The following COPS9 variants were observed in gnomAD, a reference collection of about 807,000 sequenced individuals.
The protein encoded by COPS9 is COP9 signalosome subunit 9.
A neutral mutation model predicts 7.2 loss-of-function variants in COPS9; 8 were observed. The ratio of observed to expected loss-of-function variants is 1.11; its 90% CI spans 0.65 to 2.00. COPS9 has a LOEUF of 2.00. Among genes scored for constraint, COPS9 ranks in the 30% most tolerant of loss-of-function variants. The pLI is 0.00. For synonymous variants in COPS9, 39 were observed against 28.7 expected (o/e 1.36, Z -1.14); for missense variants, 74 against 77.7 (o/e 0.95, Z 0.18).
downstream of COPS9, chr2:240,127,011 A>T: frequency 6.4e-7 from 1 of 1,553,036 alleles, no homozygotes. Context: ...ATTCCGAGTG[A>T]CCTGGGACAA....
At position 240,133,980 on chromosome 2, in the gene COPS9, A is replaced by G; in HGVS notation, c.89T>C (p.Met30Thr). 1.2e-6 allele frequency: 2 copies of G among 1,614,208 alleles called. No homozygotes were observed. Among genetic ancestry groups the G allele is most frequent in the Non-Finnish European group, 8.5e-7 (1 of 1,180,036 alleles). ...GGCCTTTTCATTGGCTGCCAAGTCC[A>G]TCAAGAGCCCGGTGCTGCCTCCCGC... ...DEAGGSTGLL[M>T]DLAANEKAVH... The change falls in exon 2 of 3, where the codon ATG becomes ACG. Residue 30 changes from methionine (M) to threonine (T), a missense_variant. Transcript: ENST00000607357.
At chr2:240,131,276 G>A (rs76109721) in intron 2 of COPS9, among the ~76,000 whole-genome samples, 188 bp from the exon 3 acceptor site, 2,054 of 152,336 alleles carry the variant, frequency 0.013, 41 homozygotes, top group East Asian at 0.089. Context: ...AGTCCAAGGG[G>A]AGAGTGTTGG....
Position 240,130,899 on chromosome 2 carries a change from G to A in COPS9, c.*152C>T, listed in dbSNP as rs1057429407. On this transcript the variant is annotated 3_prime_UTR_variant, in exon 3 of 3. Coordinates refer to ENST00000607357, the MANE Select transcript of COPS9 (RefSeq NM_001163424.2). ...TTCAGAGATGAACAGAATCATCTAG[G>A]TCGTTAAGAACAGTCTTATCTTTCT... 2.8e-6 allele frequency: 4 copies of A among 1,449,400 alleles called. No homozygotes were observed. The highest frequency in any genetic ancestry group is 1.5e-5 in the South Asian group (1 of 66,612). The allele number at this position is 1,449,400 out of a possible 1,614,324, so 89.8% of individuals were successfully genotyped here.
At chr2:240,134,982 CGCCTAGGACTGTGAA>C (rs1473480557) in intron 1 of COPS9, among the ~76,000 whole-genome samples, 1 of 81,834 alleles carries the variant, frequency 1.2e-5, no homozygotes. Context: ...GGCTCCACAT[CGCCTAGGACTGTGAA>C]GCCTAGGACT....
chr2:240,129,976 G>A (rs983720340), downstream of COPS9: 3 of 1,613,984 alleles, frequency 1.9e-6, no homozygotes, highest in South Asian at 1.1e-5. Context: ...TGCCCTCGCT[G>A]CAGTGCGGGA....
Position 240,130,838 on chromosome 2 carries a change from T to C in COPS9, c.*213A>G. 2 of 1,403,300 alleles carry C rather than the reference T, an allele frequency of 1.4e-6. No homozygotes were observed. Among genetic ancestry groups the C allele is most frequent in the Admixed American group, 3.2e-5 (1 of 31,670 alleles). 86.9% of individuals were successfully genotyped at this position (1,403,300 alleles called of 1,614,324 possible). On this transcript the variant is annotated 3_prime_UTR_variant, in exon 3 of 3. Coordinates refer to ENST00000607357, the MANE Select transcript of COPS9 (RefSeq NM_001163424.2). The stretch of plus-strand genomic sequence containing the variant: ...AGATCACTCCACATGTGACATTGCT[T>C]TCTTTTAATTGGAGTGAGGACAAAA...
intron 1 of COPS9, 97 bp downstream of exon 1, chr2:240,136,125 G>T: frequency 1.5e-6 from 1 of 661,642 alleles, no homozygotes; most frequent in Non-Finnish European, 2.1e-6. Context: ...CCACCCGCCC[G>T]GCCTCCCCTC....
chr2:240,127,939 A>AC (rs2071883439), downstream of COPS9, among the ~76,000 whole-genome samples: 1 of 151,680 alleles, frequency 6.6e-6, no homozygotes, highest in South Asian at 2.1e-4. Context: ...GGCCACTCAC[A>AC]CCCCCTCAAA....
chr2:240,135,565 A>T (rs761055445), intron 1 of COPS9, among the ~76,000 whole-genome samples: 5 of 152,206 alleles, frequency 3.3e-5, no homozygotes, highest in Non-Finnish European at 7.3e-5. Context: ...AAACCATCTC[A>T]GAACGCTCAC....
downstream of COPS9, chr2:240,129,920 CA>C: frequency 1.9e-6 from 3 of 1,613,894 alleles, no homozygotes; most frequent in Non-Finnish European, 2.5e-6. Flanking sequence ...CCTCTTCCGA[CA>C]CCACAGGCCG....
At chr2:240,131,836 A>G (rs559491787) in intron 2 of COPS9, among the ~76,000 whole-genome samples, 215 of 152,306 alleles carry the variant, frequency 1.4e-3, no homozygotes, top group Middle Eastern at 3.4e-3. Context: ...GTGCAGTATG[A>G]ATTATGAACT....
At chr2:240,128,812 A>T (rs7568212), downstream of COPS9, among the ~76,000 whole-genome samples, 8,796 of 152,184 alleles carry the variant, frequency 0.058, 859 homozygotes, top group African/African-American at 0.2. Context: ...AGGAAGAAAA[A>T]CAGGTGGCAA....
downstream of COPS9, among the ~76,000 whole-genome samples, chr2:240,127,227 A>T (rs779112506): frequency 8.7e-5 from 13 of 150,266 alleles, no homozygotes; most frequent in Non-Finnish European, 1.9e-4. Context: ...GAGCTCGCTG[A>T]CCCCCACCCC....
At chr2:240,133,273 A>G (rs2071940039) in intron 2 of COPS9, among the ~76,000 whole-genome samples, 1 of 152,270 alleles carries the variant, frequency 6.6e-6, no homozygotes, top group Non-Finnish European at 1.5e-5. Flanking sequence ...AGTAAAGGTT[A>G]ATATCATCTA....
At position 240,135,993 on chromosome 2, in the gene COPS9, C is replaced by T. The variant is rs1559481640; in HGVS notation, c.63+229G>A. 1.4e-5 allele frequency: 9 copies of T among 649,980 alleles called. No individual in the cohort carries two copies. In the Admixed American group the frequency reaches 2.6e-4, roughly 19 times the overall value. 40.3% of individuals were successfully genotyped at this position (649,980 alleles called of 1,614,324 possible). The stretch of plus-strand genomic sequence containing the variant: ...GCACTCAACCCTCAGGCTGCGCCTC[C>T]TGGTCCCCCGGGCTAGGGCACACGC... On this transcript the variant is annotated intron_variant, in intron 1 of 2. Transcript: ENST00000607357.
downstream of COPS9, chr2:240,126,731 A>T: frequency 6.2e-7 from 1 of 1,614,170 alleles, no homozygotes; most frequent in Non-Finnish European, 8.5e-7. Context: ...GCACCTCTAG[A>T]TAACTTCCCA....
At chr2:240,126,803 A>T (rs1308344733), downstream of COPS9, 6 of 1,613,774 alleles carry the variant, frequency 3.7e-6, no homozygotes, top group South Asian at 1.1e-5. Context: ...TTTTCCCCTC[A>T]CTTGTTGCTT....
chr2:240,126,960 C>T (rs2106553845), downstream of COPS9: 1 of 1,604,750 alleles, frequency 6.2e-7, no homozygotes, highest in Admixed American at 1.7e-5. Flanking sequence ...GACAAGGAAG[C>T]TCGTGACACT....
At position 240,130,977 on chromosome 2, in the gene COPS9, T is replaced by C. The variant is rs2071915980; in HGVS notation, c.*74A>G. The C allele has an allele frequency of 1.3e-6, 2 of 1,570,844 alleles. No homozygotes were observed. Among genetic ancestry groups the C allele is most frequent in the African/African-American group, 1.4e-5 (1 of 73,970 alleles). ...TTTCCACGTGTTCTTTAAAACCACC[T>C]GAAACTGTCCTGCGCAGGCTCACAC... On this transcript the variant is annotated 3_prime_UTR_variant, in exon 3 of 3. Coordinates refer to ENST00000607357, the MANE Select transcript of COPS9 (RefSeq NM_001163424.2).
Sources: allele counts gnomAD v4.1 joint callset (sites outside exome capture counted in the v4.1 genomes callset), GRCh38; gene constraint gnomAD v4.1.1; transcripts MANE v1.5; gene names NCBI Gene and HGNC (gene_info 2026-07-23, HGNC 2026-07-21).